PCDHGA8: variants seen among roughly 807,000 people sequenced by gnomAD.
PCDHGA8 encodes protocadherin gamma-A8.
Under a neutral mutation model 59.2 loss-of-function variants are expected in PCDHGA8, and 45 were observed. That is an observed-to-expected ratio of 0.76 (90% CI 0.60 to 0.98). The LOEUF (loss-of-function observed/expected upper bound fraction) is 0.98, where lower values mean the gene tolerates loss of function less well. PCDHGA8 is among the 50% of genes least tolerant of loss of function. PCDHGA8 has a pLI of 0.00. For synonymous variants in PCDHGA8, 531 were observed against 519.0 expected, an observed-to-expected ratio of 1.02 and a Z score of -0.32; for missense variants, 1,257 against 1,196.2, an observed-to-expected ratio of 1.05 and a Z score of -0.75.
In PCDHGA8 at chr5:141,511,281, G is replaced by A; in HGVS notation, c.*108G>A. The A allele has an allele frequency of 2.0e-6, 3 of 1,531,280 alleles. No homozygotes were observed. Among genetic ancestry groups the A allele is most frequent in the Non-Finnish European group, 2.6e-6 (3 of 1,137,132 alleles). 94.9% of individuals were successfully genotyped at this position (1,531,280 alleles called of 1,614,324 possible). ...TTCAGGGCTAACCCCCAGAATACTG[G>A]TAGGGGCCAAGGCCATGCTCCCCTT... On this transcript the variant is annotated 3_prime_UTR_variant, in exon 4 of 4. Transcript: ENST00000398604.
At chr5:141,510,534 C>T (rs1187165551) in intron 3 of PCDHGA8, among the ~76,000 whole-genome samples, 2 of 152,126 alleles carry the variant, frequency 1.3e-5, no homozygotes, top group African/African-American at 2.4e-5. Context: ...AGAGAAATAC[C>T]AGCGAATGTG....
At chr5:141,407,958 A>C (rs1018466165) in intron 1 of PCDHGA8, 1 of 660,632 alleles carries the variant, frequency 1.5e-6, no homozygotes, top group African/African-American at 1.8e-5. Context: ...GCCAGTGCAG[A>C]GCAAGCGCTG....
intron 1 of PCDHGA8, among the ~76,000 whole-genome samples, chr5:141,463,025 T>G (rs2099051289): frequency 6.6e-6 from 1 of 152,202 alleles, no homozygotes; most frequent in Non-Finnish European, 1.5e-5. Flanking sequence ...ACTTTTTTGA[T>G]TAATCTGAGT....
chr5:141,447,018 G>GT (rs1329161304), intron 1 of PCDHGA8, among the ~76,000 whole-genome samples: 6 of 142,194 alleles, frequency 4.2e-5, no homozygotes, highest in African/African-American at 1.6e-4. Context: ...GTTCAGTTTT[G>GT]TTTTGTTTTT....
chr5:141,422,136 AGTACGGGG>A (rs772818860), intron 1 of PCDHGA8: 9 of 1,588,992 alleles, frequency 5.7e-6, no homozygotes, highest in Non-Finnish European at 7.7e-6. Flanking sequence ...GAGAAGTTCA[AGTACGGGG>A]GTCTCTGGAT....
Position 141,394,989 on chromosome 5 carries a change from C to T in PCDHGA8, c.2176C>T (p.Gln726Ter). 1 of 1,614,030 alleles carries T rather than the reference C, an allele frequency of 6.2e-7. No individual in the cohort carries two copies. The part of the protein sequence containing the change: ...LRRWHKSRLL[Q>*]DSGGRLVGVP... Reference sequence around the variant, plus strand: ...GCGCTGGCACAAGTCACGCCTGCTCCAGGATTCCGGTGGCAGATTGGTAGG... The same window carrying T: ...GCGCTGGCACAAGTCACGCCTGCTCTAGGATTCCGGTGGCAGATTGGTAGG... Residue 726 changes from glutamine to a stop codon, truncating the protein, a stop_gained, in exon 1 of 4, where the codon CAG (glutamine) becomes TAG (stop). Transcript: ENST00000398604. LOFTEE classifies it high-confidence loss of function.
At chr5:141,415,095 C>T (rs1045755927) in intron 1 of PCDHGA8, 1 of 1,613,584 alleles carries the variant, frequency 6.2e-7, no homozygotes, top group Non-Finnish European at 8.5e-7. Context: ...TGGACAGAGA[C>T]GCGCTCAAGC....
chr5:141,433,358 C>CCTATCTATCTATCTATCTAT (rs3074541), intron 1 of PCDHGA8: 39 of 504,044 alleles, frequency 7.7e-5, no homozygotes, highest in Admixed American at 1.8e-4. Context: ...CTACTGTCTG[C>CCTATCTATCTATCTATCTAT]CTATCTATCT....
Position 141,394,611 on chromosome 5 carries a change from C to A in PCDHGA8, c.1798C>A (p.Gln600Lys), listed in dbSNP as rs774009952. 1 of 1,613,420 alleles carries A rather than the reference C, an allele frequency of 6.2e-7. No individual in the cohort carries two copies. The highest frequency in any genetic ancestry group is 8.5e-7 in the Non-Finnish European group (1 of 1,180,010). The change falls in exon 1 of 4, where the codon CAG becomes AAG. Residue 600 changes from glutamine to lysine, a missense_variant. Transcript: ENST00000398604. ...GGTGGCGGTGGACAGAGACTCGGGCCAGAACGCCTGGCTGTCCTACCGCCT... is the reference window on the plus strand; with the variant it reads ...GGTGGCGGTGGACAGAGACTCGGGCAAGAACGCCTGGCTGTCCTACCGCCT... ...KVVAVDRDSGQNAWLSYRLLK... is the reference protein window; with the variant it reads ...KVVAVDRDSGKNAWLSYRLLK...
chr5:141,506,994 G>A (rs1053891468), intron 3 of PCDHGA8: 1 of 152,126 alleles, frequency 6.6e-6, no homozygotes, highest in Non-Finnish European at 1.5e-5. Context: ...TCTCACACTC[G>A]ACAGATGAGA....
intron 1 of PCDHGA8, chr5:141,402,830 G>A: frequency 7.4e-7 from 1 of 1,346,490 alleles, no homozygotes; most frequent in Non-Finnish European, 9.8e-7. Flanking sequence ...CTCCCAGGCT[G>A]CAGCAAAACT....
At chr5:141,422,488 A>G in intron 1 of PCDHGA8, 1 of 1,614,000 alleles carries the variant, frequency 6.2e-7, no homozygotes, top group Non-Finnish European at 8.5e-7. Context: ...GAGCTACAAT[A>G]TAACGTTGAC....
chr5:141,482,588 C>T (rs559327092), intron 1 of PCDHGA8, among the ~76,000 whole-genome samples: 3 of 147,192 alleles, frequency 2.0e-5, no homozygotes, highest in Admixed American at 6.8e-5. Context: ...GCAGTGGGAC[C>T]AAACGGGAAA....
chr5:141,403,620 C>T (rs1561689160), intron 1 of PCDHGA8: 1 of 1,613,916 alleles, frequency 6.2e-7, no homozygotes, highest in Non-Finnish European at 8.5e-7. Context: ...CCGCGTCGCT[C>T]CAGCACAGTG....
In PCDHGA8 at chr5:141,431,357, C is replaced by G. The variant is rs762220618; in HGVS notation, c.2424+36120C>G. 1.9e-5 allele frequency: 31 copies of G among 1,613,926 alleles called. No homozygotes were observed. Among genetic ancestry groups the G allele is most frequent in the Non-Finnish European group, 2.2e-5 (26 of 1,180,046 alleles). On this transcript the variant is annotated intron_variant, in intron 1 of 3. Coordinates refer to ENST00000398604, the MANE Select transcript of PCDHGA8 (RefSeq NM_032088.2). The surrounding 1 kb of genome is among the most constrained non-coding windows in gnomAD (Gnocchi z 4.8). ...CCCCGAATTGGTGCTGAAACGCGCC[C>G]TGGACCGCGAAGAAAAGGCTGCTCA...
intron 2 of PCDHGA8, among the ~76,000 whole-genome samples, chr5:141,502,956 G>A (rs986743949): frequency 1.3e-5 from 2 of 148,846 alleles, no homozygotes; most frequent in African/African-American, 5.0e-5. Context: ...CGATTCTCCT[G>A]CCTCAGCCTC....
rs778953049 is a variant in PCDHGA8, at chr5:141,395,088, C to G, written c.2275C>G (p.Leu759Val). Residue 759 changes from leucine to valine, a missense_variant, in exon 1 of 4, where the codon CTC (leucine) becomes GTC (valine). Physicochemically the swap from Leu to Val is conservative, Grantham distance 32. Coordinates refer to ENST00000398604, the MANE Select transcript of PCDHGA8 (RefSeq NM_032088.2). The part of the protein sequence containing the change: ...FLQTYSQEVS[L>V]TADSRKSHLI... ...GCAGACCTATTCCCAGGAAGTCTCC[C>G]TCACCGCCGACTCGCGGAAGAGTCA... is the stretch of plus-strand genomic sequence containing the variant. The G allele has an allele frequency of 1.9e-5, 31 of 1,614,076 alleles. No homozygotes were observed. The highest frequency in any genetic ancestry group is 6.7e-5 in the East Asian group (3 of 44,894).
intron 1 of PCDHGA8, among the ~76,000 whole-genome samples, chr5:141,469,684 T>C (rs1471928749): frequency 6.6e-6 from 1 of 152,256 alleles, no homozygotes; most frequent in Non-Finnish European, 1.5e-5. Flanking sequence ...ACATATGCAT[T>C]GGTCCTATGA....
intron 1 of PCDHGA8, chr5:141,433,315 TCCGGTGTAACAGGGACTA>T: frequency 1.2e-6 from 1 of 856,086 alleles, no homozygotes; most frequent in Non-Finnish European, 1.8e-6. Flanking sequence ...CACCTTTGCC[TCCGGTGTAACAGGGACTA>T]CAGGTGCAAG....
Sources: gnomAD v4.1 joint callset for allele counts (sites outside exome capture counted in the v4.1 genomes callset) on GRCh38, gnomAD v4.1.1 for gene constraint, Gnocchi (gnomAD v3.1) non-coding constraint, MANE v1.5 for transcripts, NCBI Gene and HGNC (gene_info 2026-07-23, HGNC 2026-07-21) for gene names.